ZNF772: variants seen among roughly 807,000 people sequenced by gnomAD.
ZNF772 encodes zinc finger protein 772.
A neutral mutation model predicts 11.0 loss-of-function variants in ZNF772; 8 were observed. That is an observed-to-expected ratio of 0.73 (90% CI 0.43 to 1.31). ZNF772 has a LOEUF of 1.31. ZNF772 is among the 50% of genes most tolerant of loss of function. The pLI, the probability that ZNF772 is intolerant of heterozygous loss-of-function variation, is 0.01. For missense variants in ZNF772, 496 were observed against 552.3 expected (o/e 0.90, Z 1.02); for synonymous variants, 155 against 180.4 (o/e 0.86, Z 1.13).
Position 57,475,755 on chromosome 19 carries a change from T to C in ZNF772, c.104A>G (p.Tyr35Cys), listed in dbSNP as rs776182042. The change falls in exon 3 of 4, where the codon TAC becomes TGC. Residue 35 changes from tyrosine to cysteine, a missense_variant. Transcript: ENST00000356584. This position sits in a 1 kb window ranked among gnomAD's most constrained non-coding sequence, Gnocchi z 4.2. ...GQVNFEDVFVYFSQEEWVLLD... is the reference protein window; with the variant it reads ...GQVNFEDVFVCFSQEEWVLLD... The stretch of plus-strand genomic sequence containing the variant: ...GAGCACCCACTCCTCCTGGGAGAAG[T>C]ACACGAACACGTCCTCAAAGTTCAC... 7 of 1,611,408 alleles carry C rather than the reference T, an allele frequency of 4.3e-6. No individual in the cohort carries two copies. Among genetic ancestry groups the C allele is most frequent in the African/African-American group, 1.3e-5 (1 of 74,930 alleles).
chr19:57,475,840 C>T lies in ZNF772; in HGVS notation c.73-54G>A. The T allele has an allele frequency of 6.4e-7, 1 of 1,551,846 alleles. No homozygotes were observed. Among genetic ancestry groups the T allele is most frequent in the Admixed American group, 1.9e-5 (1 of 52,062 alleles). On this transcript the variant is annotated intron_variant, in intron 2 of 3. Transcript: ENST00000356584. This position sits in a 1 kb window ranked among gnomAD's most constrained non-coding sequence, Gnocchi z 4.2. ...GAGCAGCATCTCTCCCAAGAACCCC[C>T]ATCCGTGCCCCCACACATCTCCCTC...
intron 3 of ZNF772, among the ~76,000 whole-genome samples, 174 bp from the exon 4 acceptor site, chr19:57,474,595 G>A (rs2123153829): frequency 6.6e-6 from 1 of 152,302 alleles, no homozygotes; most frequent in South Asian, 2.1e-4. Flanking sequence ...GCATCTAAAT[G>A]TCATAGAATG....
rs1229936555 is a variant in ZNF772, at chr19:57,471,557, C to T, written c.*1717G>A. On this transcript the variant is annotated 3_prime_UTR_variant, in exon 4 of 4. Coordinates refer to ENST00000356584, the MANE Select transcript of ZNF772 (RefSeq NM_001144068.2). The stretch of plus-strand genomic sequence containing the variant: ...AACGCCCCACAAATCCCTATTTTCA[C>T]CTTTGTGTAGTTCTCTTCCACTTTT... 1 of 139,834 alleles carries T rather than the reference C, an allele frequency of 7.2e-6. No individual in the cohort carries two copies. The highest frequency in any genetic ancestry group is 2.6e-5 in the African/African-American group (1 of 38,094). The allele number at this position is 139,834 out of a possible 1,614,324, so 8.7% of individuals were successfully genotyped here.
chr19:57,474,256 T>C lies in ZNF772; in HGVS notation c.365A>G (p.Gln122Arg). The change falls in exon 4 of 4, where the codon CAG becomes CGG. Residue 122 changes from glutamine to arginine, a missense_variant. Physicochemically the swap from Gln to Arg is conservative, Grantham distance 43. Coordinates refer to ENST00000356584, the MANE Select transcript of ZNF772 (RefSeq NM_001144068.2). ...LKDILHLAEHQETHPGQKPYM... is the reference protein window; with the variant it reads ...LKDILHLAEHRETHPGQKPYM... ...TGGTTTCTGCCCTGGGTGTGTTTCC[T>C]GGTGCTCAGCCAAGTGCAAAATGTC... 6.2e-7 allele frequency: 1 copy of C among 1,614,240 alleles called. No homozygotes were observed. The highest frequency in any genetic ancestry group is 1.1e-5 in the South Asian group (1 of 91,090).
In ZNF772 at chr19:57,473,623, C is replaced by G; in HGVS notation, c.998G>C (p.Gly333Ala). 3 of 1,614,120 alleles carry G rather than the reference C, an allele frequency of 1.9e-6. No individual in the cohort carries two copies. The highest frequency in any genetic ancestry group is 2.5e-6 in the Non-Finnish European group (3 of 1,179,998). ...TLVQHESIHT[G>A]ERPYECSECG... ...TTCGCTGCACTCATATGGCCTTTCT[C>G]CAGTATGGATACTCTCATGCTGAAC... is the stretch of plus-strand genomic sequence containing the variant. The change falls in exon 4 of 4, where the codon GGA becomes GCA. Residue 333 changes from glycine to alanine, a missense_variant. Transcript: ENST00000356584.
chr19:57,474,746 G>A (rs1000279280), intron 3 of ZNF772, among the ~76,000 whole-genome samples: 2 of 152,232 alleles, frequency 1.3e-5, no homozygotes, highest in African/African-American at 4.8e-5. Context: ...CCATACCAAA[G>A]AAAATCAAAT....
intron 2 of ZNF772, 41 bp downstream of exon 2, chr19:57,476,593 T>C (rs779310695): frequency 6.3e-7 from 1 of 1,599,906 alleles, no homozygotes; most frequent in Non-Finnish European, 8.6e-7. Flanking sequence ...GCGTATTGGG[T>C]GGGGGTGGGA....
Position 57,473,173 on chromosome 19 carries a change from A to C in ZNF772, c.*101T>G. On this transcript the variant is annotated 3_prime_UTR_variant, in exon 4 of 4. Coordinates refer to ENST00000356584, the MANE Select transcript of ZNF772 (RefSeq NM_001144068.2). ...CCAGGGTGAGTGTTTGAGTGTATAA[A>C]GTTCTACTTCTGGCTGTCGGCTACA... is the stretch of plus-strand genomic sequence containing the variant. 1.7e-6 allele frequency: 2 copies of C among 1,201,150 alleles called. No individual in the cohort carries two copies. The highest frequency in any genetic ancestry group is 2.3e-6 in the Non-Finnish European group (2 of 869,016). 74.4% of individuals were successfully genotyped at this position (1,201,150 alleles called of 1,614,324 possible).
In ZNF772 at chr19:57,475,938, C is replaced by G. The variant is rs2089279071; in HGVS notation, c.73-152G>C. 2.7e-6 allele frequency: 3 copies of G among 1,124,554 alleles called. No individual in the cohort carries two copies. In the Admixed American group the frequency reaches 8.1e-5, roughly 30 times the overall value. The allele number at this position is 1,124,554 out of a possible 1,614,324, so 69.7% of individuals were successfully genotyped here. Reference sequence around the variant, plus strand: ...AGATGTCATTGGTGTCTTCTCTCGCCTCATGGTCCCAATGGATCACTGTGT... The same window carrying G: ...AGATGTCATTGGTGTCTTCTCTCGCGTCATGGTCCCAATGGATCACTGTGT... On this transcript the variant is annotated intron_variant, in intron 2 of 3. Coordinates refer to ENST00000356584, the MANE Select transcript of ZNF772 (RefSeq NM_001144068.2). This position sits in a 1 kb window ranked among gnomAD's most constrained non-coding sequence, Gnocchi z 4.2.
In ZNF772 at chr19:57,475,432, C is replaced by G. The variant is rs2089271412; in HGVS notation, c.199+228G>C. Among the ~76,000 whole-genome samples, 1 of 152,242 alleles carries G rather than the reference C, an allele frequency of 6.6e-6. No individual in the cohort carries two copies. Among genetic ancestry groups the G allele is most frequent in the South Asian group, 2.1e-4 (1 of 4,832 alleles). On this transcript the variant is annotated intron_variant, in intron 3 of 3. Coordinates refer to ENST00000356584, the MANE Select transcript of ZNF772 (RefSeq NM_001144068.2). The surrounding 1 kb of genome is among the most constrained non-coding windows in gnomAD (Gnocchi z 4.2). ...ACTGGGCTGACAATACAATGCATAA[C>G]TCCTGAATCCATGCCTGCAAGGCTC... is the stretch of plus-strand genomic sequence containing the variant.
chr19:57,475,673 A>T lies in ZNF772; in HGVS notation c.186T>A (p.Leu62=), dbSNP rs2089274671. ...TGACGGCCTTACCCAGAGAGGCCAT[A>T]AGTGCAAAGTTCTCCAGCATCACAT... ...YRDVMLENFA[L]MASLGCWHGM... Residue 62 remains leucine (L), a synonymous_variant, in exon 3 of 4, where the codon CTT becomes CTA. Transcript: ENST00000356584. The surrounding 1 kb of genome is among the most constrained non-coding windows in gnomAD (Gnocchi z 4.2). 6.2e-7 allele frequency: 1 copy of T among 1,613,962 alleles called. No homozygotes were observed. Among genetic ancestry groups the T allele is most frequent in the Non-Finnish European group, 8.5e-7 (1 of 1,179,884 alleles).
chr19:57,475,046 C>G lies in ZNF772; in HGVS notation c.199+614G>C, dbSNP rs1440161288. The G allele has an allele frequency of 6.2e-6, 10 of 1,614,114 alleles. No homozygotes were observed. The African/African-American group carries it at 9.3e-5, about 15-fold the overall frequency. The stretch of plus-strand genomic sequence containing the variant: ...CACCAGGGTCACTCCCACCTGGAGT[C>G]TCTGTGGCAACAGCTAGGGTCATGT... On this transcript the variant is annotated intron_variant, in intron 3 of 3. Coordinates refer to ENST00000356584, the MANE Select transcript of ZNF772 (RefSeq NM_001144068.2). The surrounding 1 kb of genome is among the most constrained non-coding windows in gnomAD (Gnocchi z 4.2).
chr19:57,476,703 A>G (rs1336421805), intron 1 of ZNF772, 31 bp from the exon 2 acceptor site: 11 of 1,559,680 alleles, frequency 7.1e-6, no homozygotes, highest in Non-Finnish European at 8.7e-6. Flanking sequence ...ATGCGAGTCA[A>G]GCAATCTTGA....
At position 57,473,399 on chromosome 19, in the gene ZNF772, G is replaced by C. The variant is rs777209823; in HGVS notation, c.1222C>G (p.Leu408Val). ...GTGTGAATTCTATGATGCTGAACAA[G>C]TACATGTTTGTGGCTAAAGGCTTTT... ...CGKAFSHKHV[L>V]VQHHRIHTGE... is the part of the protein sequence containing the mutation. Residue 408 changes from leucine (L) to valine (V), a missense_variant, in exon 4 of 4, where the codon CTT becomes GTT. Physicochemically the swap from Leu to Val is conservative, Grantham distance 32 (BLOSUM62 1). Transcript: ENST00000356584. 1.9e-6 allele frequency: 3 copies of C among 1,614,152 alleles called. No individual in the cohort carries two copies. The highest frequency in any genetic ancestry group is 1.7e-6 in the Non-Finnish European group (2 of 1,180,020).
Position 57,474,170 on chromosome 19 carries a change from T to G in ZNF772, c.451A>C (p.Lys151Gln), listed in dbSNP as rs1432355576. The G allele has an allele frequency of 6.2e-7, 1 of 1,614,122 alleles. No homozygotes were observed. The highest frequency in any genetic ancestry group is 8.5e-7 in the Non-Finnish European group (1 of 1,180,056). Residue 151 changes from lysine (K) to glutamine (Q), a missense_variant, in exon 4 of 4, where the codon AAG becomes CAG. Coordinates refer to ENST00000356584, the MANE Select transcript of ZNF772 (RefSeq NM_001144068.2). ...CFSANLHQHQ[K>Q]QHSGEKPFRS... ...AAGGGTTTCTCTCCACTGTGCTGCT[T>G]CTGGTGCTGGTGAAGGTTTGCACTG...
Position 57,473,770 on chromosome 19 carries a change from C to T in ZNF772, c.851G>A (p.Gly284Asp). 6.2e-7 allele frequency: 1 copy of T among 1,614,098 alleles called. No homozygotes were observed. Among genetic ancestry groups the T allele is most frequent in the South Asian group, 1.1e-5 (1 of 91,088 alleles). Residue 284 changes from glycine to aspartate, a missense_variant, in exon 4 of 4, where the codon GGC becomes GAC. Physicochemically the swap from Gly to Asp is moderately conservative, Grantham distance 94. Coordinates refer to ENST00000356584, the MANE Select transcript of ZNF772 (RefSeq NM_001144068.2). Reference sequence around the variant, plus strand: ...ATGATTAAAAACTTTCCCACATATGCCACACTCATAAGGCATTTCTCCAGT... The same window carrying T: ...ATGATTAAAAACTTTCCCACATATGTCACACTCATAAGGCATTTCTCCAGT... ...IHTGEMPYECGICGKVFNHSS... is the reference protein window; with the variant it reads ...IHTGEMPYECDICGKVFNHSS...
Position 57,474,139 on chromosome 19 carries a change from C to A in ZNF772, c.482G>T (p.Ser161Ile), listed in dbSNP as rs1471638200. The change falls in exon 4 of 4, where the codon AGT (serine) becomes ATT (isoleucine). Residue 161 changes from serine to isoleucine, a missense_variant. Transcript: ENST00000356584. ...CAGAAGAAAGGGCCTGCTCTTATCA[C>A]TTCTAAAGGGTTTCTCTCCACTGTG... ...KQHSGEKPFRSDKSRPFLLNN... is the reference protein window; with the variant it reads ...KQHSGEKPFRIDKSRPFLLNN... 6.2e-7 allele frequency: 1 copy of A among 1,614,110 alleles called. No individual in the cohort carries two copies. The highest frequency in any genetic ancestry group is 8.5e-7 in the Non-Finnish European group (1 of 1,180,058).
Sources: allele counts gnomAD v4.1 joint callset (sites outside exome capture counted in the v4.1 genomes callset), GRCh38; gene constraint gnomAD v4.1.1; non-coding constraint Gnocchi (gnomAD v3.1); transcripts MANE v1.5; gene names NCBI Gene and HGNC (gene_info 2026-07-23, HGNC 2026-07-21).